The following TRHDE variants were observed in gnomAD, a reference collection of about 807,000 sequenced individuals.
The protein encoded by TRHDE is thyrotropin releasing hormone degrading enzyme.
In TRHDE, 72 loss-of-function variants were observed where a neutral mutation model predicts 125.7. The observed-to-expected ratio is 0.57, with a 90% CI of 0.47 to 0.70. The LOEUF is 0.70. Among genes scored for constraint, TRHDE ranks in the 30% least tolerant of loss-of-function variants. The pLI, the probability that TRHDE is intolerant of heterozygous loss-of-function variation, is 0.00. For synonymous variants in TRHDE, 509 were observed against 509.1 expected (o/e 1.00, Z 0.00); for missense variants, 1,110 against 1,327.1 (o/e 0.84, Z 2.54).
At chr12:72,238,301 T>TACATAC in intron 2 of TRHDE, among the ~76,000 whole-genome samples, 1 of 33,704 alleles carries the variant, frequency 3.0e-5, no homozygotes, top group East Asian at 8.7e-4. Flanking sequence ...TATATATATA[T>TACATAC]ATATATATAT....
At chr12:72,519,086 C>T (rs1219741932) in intron 6 of TRHDE, among the ~76,000 whole-genome samples, 2 of 152,060 alleles carry the variant, frequency 1.3e-5, no homozygotes, top group South Asian at 2.1e-4. Context: ...ACATTTTTTC[C>T]TTCATTTCAA....
intron 1 of TRHDE, among the ~76,000 whole-genome samples, chr12:72,091,670 A>G (rs147872624): frequency 1.3e-5 from 2 of 152,314 alleles, no homozygotes; most frequent in African/African-American, 4.8e-5. Flanking sequence ...TGGGGGCTAT[A>G]TAAGTAAACA....
At chr12:72,399,474 G>T (rs1363886306) in intron 3 of TRHDE, among the ~76,000 whole-genome samples, 1 of 151,716 alleles carries the variant, frequency 6.6e-6, no homozygotes, top group African/African-American at 2.4e-5. Context: ...AACTACTCTT[G>T]TGCTGCTTGT....
intron 7 of TRHDE, among the ~76,000 whole-genome samples, chr12:72,555,789 G>A (rs748768025): frequency 5.9e-5 from 9 of 152,140 alleles, no homozygotes; most frequent in African/African-American, 9.7e-5. Context: ...GTGTGACTTT[G>A]CTGTGATCTG....
At chr12:72,149,379 G>A (rs927186855) in intron 2 of TRHDE, among the ~76,000 whole-genome samples, 4 of 152,094 alleles carry the variant, frequency 2.6e-5, no homozygotes, top group African/African-American at 7.2e-5. Context: ...CAGTCAATAC[G>A]AATTAGGAAT....
chr12:72,210,271 AG>A (rs1012121275), intron 2 of TRHDE, among the ~76,000 whole-genome samples: 1 of 152,066 alleles, frequency 6.6e-6, no homozygotes, highest in Non-Finnish European at 1.5e-5. Flanking sequence ...TGACATTAAA[AG>A]TTTTAGTAAC....
intron 2 of TRHDE, among the ~76,000 whole-genome samples, chr12:72,175,032 A>AT (rs1253237203): frequency 3.9e-5 from 6 of 152,144 alleles, no homozygotes; most frequent in South Asian, 2.1e-4. Flanking sequence ...CTTTTCATAG[A>AT]TTTTTTAAGT....
intron 12 of TRHDE, chr12:72,611,447 A>G (rs1872629738): frequency 6.6e-6 from 1 of 152,220 alleles, no homozygotes; most frequent in African/African-American, 2.4e-5. Context: ...GAGAAGCACC[A>G]GAGGGTGAAT....
intron 6 of TRHDE, among the ~76,000 whole-genome samples, chr12:72,512,861 G>A (rs1878667378): frequency 6.6e-6 from 1 of 151,638 alleles, no homozygotes; most frequent in South Asian, 2.1e-4. Context: ...AGAACACTTG[G>A]AGAAAATTCA....
chr12:72,592,362 G>A (rs1399994668), intron 12 of TRHDE, among the ~76,000 whole-genome samples: 4 of 151,460 alleles, frequency 2.6e-5, no homozygotes, highest in Admixed American at 1.3e-4. Flanking sequence ...CATACCATGA[G>A]TACATGCTTT....
chr12:72,425,953 C>CA (rs996956223), intron 3 of TRHDE, among the ~76,000 whole-genome samples: 2 of 150,800 alleles, frequency 1.3e-5, no homozygotes, highest in East Asian at 3.9e-4. Context: ...TACAAAAGGT[C>CA]AAAAAAAAGC....
chr12:72,187,835 T>C (rs1439491138), intron 2 of TRHDE, among the ~76,000 whole-genome samples: 1 of 152,198 alleles, frequency 6.6e-6, no homozygotes, highest in Non-Finnish European at 1.5e-5. Flanking sequence ...TTGAAAGATA[T>C]GTACTGCCTC....
chr12:72,451,426 A>G (rs535315524), intron 3 of TRHDE, among the ~76,000 whole-genome samples: 1 of 152,314 alleles, frequency 6.6e-6, no homozygotes, highest in Middle Eastern at 3.4e-3. Flanking sequence ...CCAAAAGTCA[A>G]TTGACCAAAA....
At chr12:72,361,657 A>G (rs1396217716) in intron 2 of TRHDE, among the ~76,000 whole-genome samples, 1 of 149,876 alleles carries the variant, frequency 6.7e-6, no homozygotes, top group Non-Finnish European at 1.5e-5. Context: ...GGTGTGCTGC[A>G]CCCATTAACT....
chr12:72,583,235 T>G (rs977301838), intron 12 of TRHDE, among the ~76,000 whole-genome samples: 9 of 152,230 alleles, frequency 5.9e-5, no homozygotes, highest in African/African-American at 2.2e-4. Flanking sequence ...GATTTATTGT[T>G]GACTATATGC....
chr12:72,581,477 C>G (rs1477050172), intron 12 of TRHDE, among the ~76,000 whole-genome samples: 1 of 152,152 alleles, frequency 6.6e-6, no homozygotes, highest in African/African-American at 2.4e-5. Context: ...TAAATATCAT[C>G]ATAGTCCTCC....
At chr12:72,321,938 T>A (rs1869117202) in intron 2 of TRHDE, among the ~76,000 whole-genome samples, 4 of 152,084 alleles carry the variant, frequency 2.6e-5, no homozygotes. Flanking sequence ...TCAAAGGAAC[T>A]GTTGACTGCT....
At chr12:72,625,462 G>GA (rs200930973) in intron 15 of TRHDE, among the ~76,000 whole-genome samples, 202 of 149,202 alleles carry the variant, frequency 1.4e-3, no homozygotes, top group African/African-American at 4.7e-3. Flanking sequence ...TTTTGAAACC[G>GA]AAAAAAAAAG....
chr12:72,367,809 TA>T (rs2135759314), intron 2 of TRHDE, among the ~76,000 whole-genome samples: 1 of 152,304 alleles, frequency 6.6e-6, no homozygotes, highest in African/African-American at 2.4e-5. Flanking sequence ...AAAGGAGAAG[TA>T]AATGTATTGT....
Sources: gnomAD v4.1 joint callset for allele counts (sites outside exome capture counted in the v4.1 genomes callset) on GRCh38, gnomAD v4.1.1 for gene constraint, MANE v1.5 for transcripts, NCBI Gene and HGNC (gene_info 2026-07-23, HGNC 2026-07-21) for gene names.